GOLIM4: variants seen among roughly 807,000 people sequenced by gnomAD.
The protein encoded by GOLIM4 is 130 kDa golgi-localized phosphoprotein.
Under a neutral mutation model 107.4 loss-of-function variants are expected in GOLIM4, and 71 were observed. That is an observed-to-expected ratio of 0.66 (90% CI 0.55 to 0.81). GOLIM4 has a LOEUF of 0.81. Among genes scored for constraint, GOLIM4 ranks in the 30% least tolerant of loss-of-function variants. The pLI, the probability that GOLIM4 is intolerant of heterozygous loss-of-function variation, is 0.00. For synonymous variants in GOLIM4, 327 were observed against 294.8 expected (o/e 1.11, Z -1.12); for missense variants, 830 against 826.1 (o/e 1.00, Z -0.06).
intron 14 of GOLIM4, among the ~76,000 whole-genome samples, chr3:168,012,765 C>G (rs1343553906): frequency 6.6e-6 from 1 of 152,016 alleles, no homozygotes; most frequent in African/African-American, 2.4e-5. Flanking sequence ...ATTTTCAACC[C>G]AGAATTTCAT....
chr3:168,017,457 A>C (rs1340118906), intron 14 of GOLIM4, among the ~76,000 whole-genome samples: 1 of 152,216 alleles, frequency 6.6e-6, no homozygotes, highest in Non-Finnish European at 1.5e-5. Context: ...GTCACTGCAC[A>C]ACAGCCTCGA....
chr3:168,052,375 TACACACACTCTCTCAC>T (rs1560091293), intron 1 of GOLIM4, among the ~76,000 whole-genome samples: 3 of 151,522 alleles, frequency 2.0e-5, no homozygotes, highest in Non-Finnish European at 4.4e-5. Context: ...TATATACACA[TACACACACTCTCTCAC>T]ACACACACTC....
intron 1 of GOLIM4, among the ~76,000 whole-genome samples, chr3:168,069,171 T>C (rs921593510): frequency 6.6e-6 from 1 of 152,126 alleles, no homozygotes; most frequent in Non-Finnish European, 1.5e-5. Flanking sequence ...TTTTTTTAAG[T>C]TTATATCATA....
At chr3:168,027,491 C>G (rs1234534308) in intron 12 of GOLIM4, among the ~76,000 whole-genome samples, 3 of 150,340 alleles carry the variant, frequency 2.0e-5, no homozygotes, top group African/African-American at 7.4e-5. Flanking sequence ...AAAAAAAATC[C>G]TGGTTTTGTT....
chr3:168,052,338 G>GTATATGCATATATGTGCATATATATA (rs1719694928), intron 1 of GOLIM4, among the ~76,000 whole-genome samples: 1 of 151,402 alleles, frequency 6.6e-6, no homozygotes, highest in South Asian at 2.1e-4. Context: ...ATATGTATGT[G>GTATATGCATATATGTGCATATATATA]TATATGCATA....
In GOLIM4 at chr3:168,080,191, G is replaced by C. The variant is rs955375822; in HGVS notation, c.187+14908C>G. On this transcript the variant is annotated intron_variant, in intron 1 of 15. Transcript: ENST00000470487. ...TGCGGAGATCTTCTGACAAATTCCAGACCTGCCATTAACAAGCTGGGAGAC... is the reference window on the plus strand; with the variant it reads ...TGCGGAGATCTTCTGACAAATTCCACACCTGCCATTAACAAGCTGGGAGAC... Among the ~76,000 whole-genome samples the C allele has an allele frequency of 2.0e-3, 299 of 152,218 alleles. 2 individuals carry two copies. The highest frequency in any genetic ancestry group is 6.9e-3 in the African/African-American group (288 of 41,536).
At chr3:168,074,604 A>G (rs1265580410) in intron 1 of GOLIM4, among the ~76,000 whole-genome samples, 1 of 152,212 alleles carries the variant, frequency 6.6e-6, no homozygotes, top group Non-Finnish European at 1.5e-5. Flanking sequence ...GGGAAGTAAC[A>G]TTACTTAATT....
At chr3:168,090,784 A>G (rs117830670) in intron 1 of GOLIM4, among the ~76,000 whole-genome samples, 2,020 of 152,348 alleles carry the variant, frequency 0.013, 114 homozygotes, top group Admixed American at 0.089. Context: ...GTCCATCAAC[A>G]GAGAACTGGT....
chr3:168,055,203 T>C (rs112288184), intron 1 of GOLIM4, among the ~76,000 whole-genome samples: 2,800 of 152,194 alleles, frequency 0.018, 92 homozygotes, highest in African/African-American at 0.064. Flanking sequence ...GCAGAGGCTG[T>C]AACAGCTTGG....
chr3:168,040,529 G>A (rs1718923258), intron 7 of GOLIM4, among the ~76,000 whole-genome samples: 1 of 152,188 alleles, frequency 6.6e-6, no homozygotes, highest in Non-Finnish European at 1.5e-5. Flanking sequence ...ATTTAAACAA[G>A]TATTAGACTA....
intron 1 of GOLIM4, among the ~76,000 whole-genome samples, chr3:168,078,957 A>C (rs1422930021): frequency 6.6e-6 from 1 of 152,156 alleles, no homozygotes; most frequent in Non-Finnish European, 1.5e-5. Flanking sequence ...ACTTTTGGTC[A>C]TATTTTAAAA....
intron 15 of GOLIM4, 61 bp from the exon 16 acceptor site, chr3:168,010,479 C>T (rs1716939437): frequency 1.7e-6 from 2 of 1,171,584 alleles, no homozygotes; most frequent in Admixed American, 2.2e-5. Flanking sequence ...ATAAATAATT[C>T]TCTCTAAAAA....
intron 12 of GOLIM4, among the ~76,000 whole-genome samples, chr3:168,027,320 C>T (rs1189144238): frequency 6.6e-6 from 1 of 152,180 alleles, no homozygotes; most frequent in East Asian, 1.9e-4. Flanking sequence ...TAGCAGACTG[C>T]TCAACATGCT....
At position 168,029,910 on chromosome 3, in the gene GOLIM4, G is replaced by A. The variant is rs140212175; in HGVS notation, c.1303C>T (p.His435Tyr). 340 of 1,614,050 alleles carry A rather than the reference G, an allele frequency of 2.1e-4. No homozygotes were observed. Among genetic ancestry groups the A allele is most frequent in the Non-Finnish European group, 2.8e-4 (334 of 1,180,034 alleles). ...AAGTGCCCCTGCAGCCTCTGCTGGT[G>A]CAAAGCTTCCTGGTGTTCCCGCAGC... Reference protein sequence around the residue: ...QQLREHQEALHQQRLQGHLLR... With the variant: ...QQLREHQEALYQQRLQGHLLR... Residue 435 changes from histidine to tyrosine, a missense_variant, in exon 10 of 16, where the codon CAC (histidine) becomes TAC (tyrosine). By Grantham distance (83) the His-to-Tyr change is moderately conservative (BLOSUM62 2). Transcript: ENST00000470487.
At chr3:168,028,120 A>C (rs1718110277) in intron 11 of GOLIM4, among the ~76,000 whole-genome samples, 1 of 152,214 alleles carries the variant, frequency 6.6e-6, no homozygotes, top group Non-Finnish European at 1.5e-5. Flanking sequence ...AACAACAATC[A>C]AAACTCTCTC....
intron 14 of GOLIM4, among the ~76,000 whole-genome samples, chr3:168,023,449 C>T (rs1466727637): frequency 6.6e-6 from 1 of 152,212 alleles, no homozygotes; most frequent in Non-Finnish European, 1.5e-5. Context: ...GGTATAAGCA[C>T]AAATTTTATC....
intron 7 of GOLIM4, among the ~76,000 whole-genome samples, chr3:168,039,974 T>C (rs1718888545): frequency 6.6e-6 from 1 of 152,164 alleles, no homozygotes; most frequent in African/African-American, 2.4e-5. Context: ...AATTATACCT[T>C]TTAATAATTT....
chr3:168,087,360 A>G (rs1342188044), intron 1 of GOLIM4, among the ~76,000 whole-genome samples: 3 of 152,202 alleles, frequency 2.0e-5, no homozygotes, highest in Non-Finnish European at 4.4e-5. Context: ...TTGGAAAAAC[A>G]GAGAAGCAAC....
intron 8 of GOLIM4, among the ~76,000 whole-genome samples, chr3:168,036,361 C>T (rs1367251161): frequency 6.6e-6 from 1 of 151,930 alleles, no homozygotes; most frequent in Non-Finnish European, 1.5e-5. Flanking sequence ...GCCAACATAG[C>T]GAAACCCTGT....
Sources: allele counts gnomAD v4.1 joint callset (sites outside exome capture counted in the v4.1 genomes callset), GRCh38; gene constraint gnomAD v4.1.1; transcripts MANE v1.5; gene names NCBI Gene and HGNC (gene_info 2026-07-23, HGNC 2026-07-21).